NLGN4X: variants seen among roughly 807,000 people sequenced by gnomAD.
NLGN4X encodes the protein neuroligin-4, X-linked.
Under a neutral mutation model 40.3 loss-of-function variants are expected in NLGN4X, and 3 were observed. That is an observed-to-expected ratio of 0.07 (90% CI 0.03 to 0.19). The LOEUF (loss-of-function observed/expected upper bound fraction) is 0.19. Among genes scored for constraint, NLGN4X ranks in the 10% least tolerant of loss-of-function variants. The pLI, the probability that NLGN4X is intolerant of heterozygous loss-of-function variation, is 1.00. For synonymous variants in NLGN4X, 270 were observed against 306.8 expected, an observed-to-expected ratio of 0.88 and a Z score of 1.25; for missense variants, 382 against 708.3, an observed-to-expected ratio of 0.54 and a Z score of 5.23.
At chrX:5,959,004 T>C (rs2034578473) in intron 3 of NLGN4X, among the ~76,000 whole-genome samples, 1 of 112,040 alleles carries the variant, frequency 8.9e-6, no homozygotes, top group African/African-American at 3.2e-5. Flanking sequence ...AGACCAGTGA[T>C]AGTTTGTAAT....
intron 1 of NLGN4X, among the ~76,000 whole-genome samples, chrX:6,198,277 T>C (rs1207331100): frequency 6.3e-5 from 7 of 111,395 alleles, no homozygotes; most frequent in African/African-American, 2.0e-4. Context: ...TTCAGAGAGA[T>C]GCACATAGCC....
At chrX:5,920,651 CGTGTTT>C (rs1569131075) in intron 3 of NLGN4X, among the ~76,000 whole-genome samples, 1 of 111,600 alleles carries the variant, frequency 9.0e-6, no homozygotes, top group African/African-American at 3.3e-5. Flanking sequence ...GGTTTGGATA[CGTGTTT>C]GTGAAGAGTG....
At chrX:6,214,450 G>C (rs1211529480) in intron 1 of NLGN4X, among the ~76,000 whole-genome samples, 1 of 111,765 alleles carries the variant, frequency 8.9e-6, no homozygotes, top group African/African-American at 3.3e-5. Flanking sequence ...TCAATGCACA[G>C]GCTCACCCGC....
intron 1 of NLGN4X, among the ~76,000 whole-genome samples, chrX:6,153,844 A>G (rs1460924060): frequency 2.7e-5 from 3 of 112,260 alleles, no homozygotes; most frequent in Admixed American, 1.9e-4. Context: ...ACATCCCACA[A>G]GGTCCTGATG....
At chrX:6,184,269 C>A (rs1184724707) in intron 1 of NLGN4X, among the ~76,000 whole-genome samples, 1 of 112,012 alleles carries the variant, frequency 8.9e-6, no homozygotes, top group Non-Finnish European at 1.9e-5. Flanking sequence ...CTGTTCTTTT[C>A]ATTTACCTGA....
chrX:5,955,815 T>TAA (rs10672564), intron 3 of NLGN4X, among the ~76,000 whole-genome samples: 15,798 of 90,103 alleles, frequency 0.18, 1,208 homozygotes, highest in African/African-American at 0.23. Flanking sequence ...ACAACCACAC[T>TAA]AAAAAAAAAA....
intron 3 of NLGN4X, among the ~76,000 whole-genome samples, chrX:5,927,739 C>G (rs2033389212): frequency 8.9e-6 from 1 of 112,211 alleles, no homozygotes; most frequent in Non-Finnish European, 1.9e-5. Context: ...TGGGTTTCAG[C>G]TCTAACTTCT....
rs751481549 is a variant in NLGN4X at position 6,072,309 on chromosome X, G to A, written c.473-42877C>T. Among the ~76,000 whole-genome samples the A allele has an allele frequency of 2.7e-5, 3 of 111,390 alleles. No individual in the cohort carries two copies. In the East Asian group the frequency reaches 8.5e-4, roughly 32 times the overall value. On this transcript the variant is annotated intron_variant, in intron 2 of 5. Coordinates refer to ENST00000381095, the MANE Select transcript of NLGN4X (RefSeq NM_181332.3). ...TAGCCCTGCAACTAACCAATGCAGA[G>A]AACGCCCCTGTTTTCTTAGCTGCCA...
intron 3 of NLGN4X, among the ~76,000 whole-genome samples, chrX:5,933,625 A>G (rs866153710): frequency 8.9e-6 from 1 of 111,983 alleles, no homozygotes; most frequent in Non-Finnish European, 1.9e-5. Context: ...CAGAGTTTTA[A>G]ATAACTATGT....
At chrX:6,195,954 C>T (rs1569293363) in intron 1 of NLGN4X, among the ~76,000 whole-genome samples, 1 of 110,543 alleles carries the variant, frequency 9.0e-6, no homozygotes, top group East Asian at 2.9e-4. Flanking sequence ...CGAAACCTGG[C>T]TAATTTTTTA....
chrX:6,147,655 A>ATCTC (rs762478798), intron 2 of NLGN4X, among the ~76,000 whole-genome samples: 131 of 97,885 alleles, frequency 1.3e-3, no homozygotes, highest in African/African-American at 4.4e-3. Flanking sequence ...TCTCTCTGCT[A>ATCTC]TCTCTCTCTC....
chrX:5,955,171 T>G (rs1163368693), intron 3 of NLGN4X, among the ~76,000 whole-genome samples: 1 of 112,245 alleles, frequency 8.9e-6, no homozygotes, highest in Non-Finnish European at 1.9e-5. Context: ...CCTCAGGGTT[T>G]AAGCCAAAAA....
chrX:5,900,582 TTTTTTTTA>T (rs1220864562), intron 5 of NLGN4X, among the ~76,000 whole-genome samples: 5 of 70,834 alleles, frequency 7.1e-5, no homozygotes, highest in Non-Finnish European at 8.5e-5. Flanking sequence ...TTTTTTTTTT[TTTTTTTTA>T]AAGATAAAGG....
At chrX:6,119,526 G>C (rs982676207) in intron 2 of NLGN4X, among the ~76,000 whole-genome samples, 17 of 111,407 alleles carry the variant, frequency 1.5e-4, no homozygotes, top group African/African-American at 5.2e-4. Context: ...GACCATCTAT[G>C]AGTGGGTAAT....
At chrX:6,181,047 T>C (rs1002515211) in intron 1 of NLGN4X, among the ~76,000 whole-genome samples, 3 of 111,534 alleles carry the variant, frequency 2.7e-5, no homozygotes, top group African/African-American at 9.8e-5. Context: ...CAGCAACTCT[T>C]AAGTCTCTGT....
chrX:5,947,573 G>A (rs2034169857), intron 3 of NLGN4X, among the ~76,000 whole-genome samples: 1 of 111,915 alleles, frequency 8.9e-6, no homozygotes, highest in African/African-American at 3.2e-5. Context: ...AAATTTTGAG[G>A]AAAAAAATAT....
At chrX:5,969,523 A>G (rs1020814060) in intron 3 of NLGN4X, among the ~76,000 whole-genome samples, 6 of 111,489 alleles carry the variant, frequency 5.4e-5, no homozygotes, top group African/African-American at 2.0e-4. Flanking sequence ...GTCAGGAAAC[A>G]ACGGGTGCTG....
intron 1 of NLGN4X, among the ~76,000 whole-genome samples, chrX:6,156,495 C>T (rs964824551): frequency 2.7e-5 from 3 of 110,274 alleles, no homozygotes; most frequent in Admixed American, 1.9e-4. Flanking sequence ...GGCAACAGAG[C>T]GAGACTCCGT....
At chrX:6,035,076 A>C (rs1210090534) in intron 2 of NLGN4X, among the ~76,000 whole-genome samples, 1 of 111,908 alleles carries the variant, frequency 8.9e-6, no homozygotes, top group African/African-American at 3.3e-5. Flanking sequence ...TCTCATGTAC[A>C]CTGTCTTTGC....
Sources: allele counts gnomAD v4.1 joint callset (sites outside exome capture counted in the v4.1 genomes callset), GRCh38; gene constraint gnomAD v4.1.1; transcripts MANE v1.5; gene names NCBI Gene and HGNC (gene_info 2026-07-23, HGNC 2026-07-21).